Variants in NGEF observed in about 807,000 individuals in gnomAD.
The protein encoded by NGEF is neuronal guanine nucleotide exchange factor.
In NGEF, 31 loss-of-function variants were observed where a neutral mutation model predicts 80.9. That is an observed-to-expected ratio of 0.38 (90% CI 0.29 to 0.52). The LOEUF is 0.52. Among genes scored for constraint, NGEF ranks in the 20% least tolerant of loss-of-function variants. NGEF has a pLI of 0.84. For missense variants in NGEF, 709 were observed against 926.2 expected (o/e 0.77, Z 3.04); for synonymous variants, 371 against 370.2 (o/e 1.00, Z -0.03).
chr2:232,977,964 T>C (rs1237671223), intron 1 of NGEF, among the ~76,000 whole-genome samples: 1 of 152,146 alleles, frequency 6.6e-6, no homozygotes, highest in Non-Finnish European at 1.5e-5. Context: ...ATGCCACTCC[T>C]GGTCTGGGAA....
intron 5 of NGEF, among the ~76,000 whole-genome samples, chr2:232,906,087 G>T: frequency 8.3e-6 from 1 of 119,774 alleles, no homozygotes; most frequent in South Asian, 2.7e-4. Flanking sequence ...TCAGCCCCCC[G>T]CCTGGTCAGC....
At chr2:232,899,805 C>A (rs57678870) in intron 5 of NGEF, among the ~76,000 whole-genome samples, 5 of 136,550 alleles carry the variant, frequency 3.7e-5, no homozygotes, top group African/African-American at 1.4e-4. Context: ...CTCACACACA[C>A]GCTCTCAGTC....
Position 232,883,742 on chromosome 2 carries a change from G to A in NGEF, c.1601+239C>T, listed in dbSNP as rs188787634. Among the ~76,000 whole-genome samples, 12 of 152,320 alleles carry A rather than the reference G, an allele frequency of 7.9e-5. No homozygotes were observed. The East Asian group carries it at 1.9e-3, about 25-fold the overall frequency. On this transcript the variant is annotated intron_variant, in intron 11 of 14. Coordinates refer to ENST00000264051, the MANE Select transcript of NGEF (RefSeq NM_019850.3). Reference sequence around the variant, plus strand: ...CGCTATGTATCAGACACTGGGCTGGGCCCTTCACAGCCCTACGAGTAAAAC... The same window carrying A: ...CGCTATGTATCAGACACTGGGCTGGACCCTTCACAGCCCTACGAGTAAAAC...
chr2:232,909,881 T>C (rs1692656253), intron 5 of NGEF, among the ~76,000 whole-genome samples: 4 of 152,270 alleles, frequency 2.6e-5, no homozygotes, highest in Admixed American at 2.6e-4. Flanking sequence ...TATGTAACCC[T>C]TCTTTTTTCT....
At chr2:232,900,181 T>TTC (rs1575002087) in intron 5 of NGEF, among the ~76,000 whole-genome samples, 3 of 25,746 alleles carry the variant, frequency 1.2e-4, no homozygotes, top group South Asian at 2.4e-3. Context: ...TTCACTCACA[T>TTC]TCACACACAC....
intron 5 of NGEF, among the ~76,000 whole-genome samples, chr2:232,906,032 C>A (rs1224782483): frequency 1.5e-5 from 2 of 132,360 alleles, no homozygotes; most frequent in African/African-American, 5.8e-5. Context: ...GGGGGGTCAG[C>A]CCCCCGCCCG....
At chr2:233,012,989 G>C (rs766854678) in intron 1 of NGEF, 79 bp downstream of exon 1, 1 of 461,322 alleles carries the variant, frequency 2.2e-6, no homozygotes, top group South Asian at 1.6e-5. Context: ...TTTCCTACCT[G>C]TCCTAGCGGT....
rs767603867 is a variant in NGEF, at chr2:232,881,183, G to A, written c.1905C>T (p.Leu635=). The part of the protein sequence containing the change: ...AQQPDELTLE[L]ADILNILDKT... The stretch of plus-strand genomic sequence containing the variant: ...TGTCCAGGATGTTGAGGATGTCGGC[G>A]AGCTCCAGCGTCAGCTCGTCTGGCT... The change falls in exon 14 of 15, where the codon CTC becomes CTT. Residue 635 remains leucine, a synonymous_variant. Transcript: ENST00000264051. 5 of 1,612,164 alleles carry A rather than the reference G, an allele frequency of 3.1e-6. No homozygotes were observed. Among genetic ancestry groups the A allele is most frequent in the East Asian group, 4.5e-5 (2 of 44,854 alleles).
chr2:232,892,435 G>A lies in NGEF; in HGVS notation c.1142+463C>T, dbSNP rs1376992128. On this transcript the variant is annotated intron_variant, in intron 7 of 14. Transcript: ENST00000264051. This position sits in a 1 kb window ranked among gnomAD's most constrained non-coding sequence, Gnocchi z 4.0. Reference sequence around the variant, plus strand: ...CCTTGTCAACTAAACCTCAGAGAAAGTTTACAAAATGGGCAGATTAGCAAT... The same window carrying A: ...CCTTGTCAACTAAACCTCAGAGAAAATTTACAAAATGGGCAGATTAGCAAT... 6.6e-6 allele frequency among the ~76,000 whole-genome samples: 1 copy of A among 152,150 alleles called. No homozygotes were observed. Among genetic ancestry groups the A allele is most frequent in the Admixed American group, 6.5e-5 (1 of 15,278 alleles).
chr2:232,910,192 T>C (rs1692661847), intron 5 of NGEF, among the ~76,000 whole-genome samples: 1 of 151,458 alleles, frequency 6.6e-6, no homozygotes, highest in Non-Finnish European at 1.5e-5. Context: ...TTTTTTAGCA[T>C]TAGGGACTGG....
At chr2:232,924,414 T>C (rs555481513) in intron 4 of NGEF, among the ~76,000 whole-genome samples, 6 of 152,152 alleles carry the variant, frequency 3.9e-5, no homozygotes, top group African/African-American at 1.4e-4. Context: ...CCTCCAGAAC[T>C]GTAAGAAATA....
chr2:232,927,012 A>G, intron 4 of NGEF, 32 bp downstream of exon 4: 1 of 1,613,902 alleles, frequency 6.2e-7, no homozygotes, highest in South Asian at 1.1e-5. Flanking sequence ...CGCGTTTCCC[A>G]AATAAAACCC....
At chr2:232,900,336 T>G (rs1692284748) in intron 5 of NGEF, among the ~76,000 whole-genome samples, 1 of 63,266 alleles carries the variant, frequency 1.6e-5, no homozygotes, top group Non-Finnish European at 3.2e-5. Context: ...ACACACGCTC[T>G]CACAGTCACT....
At chr2:232,990,249 T>A (rs1015159510) in intron 1 of NGEF, among the ~76,000 whole-genome samples, 2 of 151,926 alleles carry the variant, frequency 1.3e-5, no homozygotes, top group African/African-American at 4.8e-5. Context: ...CAAAAACAAG[T>A]TAGAAAGTGG....
chr2:232,976,339 C>A (rs969596322), intron 1 of NGEF, among the ~76,000 whole-genome samples: 3 of 152,104 alleles, frequency 2.0e-5, no homozygotes, highest in African/African-American at 7.2e-5. Flanking sequence ...TTTCAGATGC[C>A]TCCTTTCCCA....
In NGEF at chr2:232,999,560, T is replaced by G. The variant is rs777842007; in HGVS notation, c.-75+13508A>C. ...GCCATGTGTGACTGTGTCTCTCACA[T>G]TTCCCTGCCATCAGACAGGGCATGA... On this transcript the variant is annotated intron_variant, in intron 1 of 14. Coordinates refer to ENST00000264051, the MANE Select transcript of NGEF (RefSeq NM_019850.3). Among the ~76,000 whole-genome samples the G allele has an allele frequency of 3.7e-4, 57 of 152,340 alleles. 1 individual carries two copies. Among genetic ancestry groups the G allele is most frequent in the Non-Finnish European group, 3.1e-4 (21 of 68,028 alleles).
Position 232,885,236 on chromosome 2 carries a change from G to A in NGEF, c.1437+44C>T, listed in dbSNP as rs1393658917. ...TCTGTGCCTCTGGGGCGGGGCCAGGGGCCTGTGCATGGGCACAGGCTCACA... is the reference window on the plus strand; with the variant it reads ...TCTGTGCCTCTGGGGCGGGGCCAGGAGCCTGTGCATGGGCACAGGCTCACA... On this transcript the variant is annotated intron_variant, in intron 10 of 14. Transcript: ENST00000264051. 6 of 1,551,268 alleles carry A rather than the reference G, an allele frequency of 3.9e-6. No individual in the cohort carries two copies. In the African/African-American group the frequency reaches 5.4e-5, roughly 14 times the overall value.
chr2:232,902,521 G>T (rs956664110), intron 5 of NGEF, among the ~76,000 whole-genome samples: 1 of 152,114 alleles, frequency 6.6e-6, no homozygotes, highest in African/African-American at 2.4e-5. Context: ...GGCGCTGGGG[G>T]CCCAAACCCA....
chr2:232,907,694 A>G (rs899755636), intron 5 of NGEF, among the ~76,000 whole-genome samples: 6 of 152,366 alleles, frequency 3.9e-5, no homozygotes, highest in Admixed American at 6.5e-5. Context: ...GAAAGTAAAA[A>G]AAAAATCTTT....
Sources: gnomAD v4.1 joint callset for allele counts (sites outside exome capture counted in the v4.1 genomes callset) on GRCh38, gnomAD v4.1.1 for gene constraint, Gnocchi (gnomAD v3.1) non-coding constraint, MANE v1.5 for transcripts, NCBI Gene and HGNC (gene_info 2026-07-23, HGNC 2026-07-21) for gene names.